The following FBXL7 variants were observed in gnomAD, a reference collection of about 807,000 sequenced individuals.
FBXL7 encodes the protein F-box and leucine rich repeat protein 7.
Under a neutral mutation model 38.3 loss-of-function variants are expected in FBXL7, and 12 were observed. The observed-to-expected ratio is 0.31, with a 90% CI of 0.20 to 0.51. The LOEUF (loss-of-function observed/expected upper bound fraction) is 0.51, where lower values mean the gene tolerates loss of function less well. FBXL7 is among the 20% of genes least tolerant of loss of function. The probability of loss-of-function intolerance (pLI) is 0.98; values close to 1 mark genes in which losing one functional copy is unlikely to be tolerated. For synonymous variants in FBXL7, 297 were observed against 300.9 expected (o/e 0.99, Z 0.13); for missense variants, 567 against 676.4 (o/e 0.84, Z 1.79).
intron 2 of FBXL7, among the ~76,000 whole-genome samples, chr5:15,870,431 T>C (rs1739904571): frequency 1.3e-5 from 2 of 151,984 alleles, no homozygotes; most frequent in African/African-American, 2.4e-5. Context: ...GAGAAACAAA[T>C]GCACGGATCA....
chr5:15,679,782 T>C (rs1742787608), intron 2 of FBXL7, among the ~76,000 whole-genome samples: 1 of 152,176 alleles, frequency 6.6e-6, no homozygotes. Context: ...GGTGAAGTCA[T>C]GGAGAACTTT....
intron 2 of FBXL7, among the ~76,000 whole-genome samples, chr5:15,707,499 C>T (rs182109614): frequency 2.0e-5 from 3 of 152,196 alleles, no homozygotes; most frequent in East Asian, 3.9e-4. Flanking sequence ...TGATTTGGCT[C>T]TATTTCTGTA....
intron 1 of FBXL7, among the ~76,000 whole-genome samples, chr5:15,512,907 TTTAAA>T (rs1398053592): frequency 6.6e-6 from 1 of 152,242 alleles, no homozygotes; most frequent in African/African-American, 2.4e-5. Context: ...ACATTTGTTC[TTTAAA>T]TTAATAAAAT....
rs138049841 is a variant in FBXL7 at position 15,625,481 on chromosome 5, C to T, written c.127+9409C>T. On this transcript the variant is annotated intron_variant, in intron 2 of 3. Transcript: ENST00000504595. ...CAGTTTGGCCAATATGGTGAAACCC[C>T]GTCTCTACTAAAAATACAAAAAATT... Among the ~76,000 whole-genome samples, 732 of 152,090 alleles carry T rather than the reference C, an allele frequency of 4.8e-3. 5 individuals carry two copies. Among genetic ancestry groups the T allele is most frequent in the African/African-American group, 0.017 (707 of 41,506 alleles).
At chr5:15,840,095 T>A (rs2126782496) in intron 2 of FBXL7, among the ~76,000 whole-genome samples, 1 of 152,364 alleles carries the variant, frequency 6.6e-6, no homozygotes, top group Non-Finnish European at 1.5e-5. Flanking sequence ...TGAAATGACC[T>A]AAGCTTTCAA....
At chr5:15,567,583 CTTT>C (rs998633260) in intron 1 of FBXL7, among the ~76,000 whole-genome samples, 3 of 150,526 alleles carry the variant, frequency 2.0e-5, no homozygotes, top group African/African-American at 7.3e-5. Context: ...TCTCTTTCTT[CTTT>C]TTTTTATATA....
At chr5:15,568,861 T>G (rs370359461) in intron 1 of FBXL7, among the ~76,000 whole-genome samples, 48 of 152,160 alleles carry the variant, frequency 3.2e-4, no homozygotes, top group South Asian at 1.7e-3. Context: ...TTTCCCCATT[T>G]CTTGTTTTTC....
At chr5:15,657,532 G>A (rs1168976931) in intron 2 of FBXL7, among the ~76,000 whole-genome samples, 2 of 152,122 alleles carry the variant, frequency 1.3e-5, no homozygotes, top group Non-Finnish European at 1.5e-5. Flanking sequence ...ACTTTTGGAA[G>A]AGATTAAAAT....
intron 1 of FBXL7, among the ~76,000 whole-genome samples, chr5:15,538,720 A>T (rs560614659): frequency 6.6e-6 from 1 of 152,218 alleles, no homozygotes; most frequent in East Asian, 1.9e-4. Context: ...ATCTGTTCTG[A>T]TTTTGAAAGG....
At chr5:15,689,790 A>G (rs1287740936) in intron 2 of FBXL7, among the ~76,000 whole-genome samples, 1 of 152,188 alleles carries the variant, frequency 6.6e-6, no homozygotes, top group Non-Finnish European at 1.5e-5. Flanking sequence ...AAGAACTTAA[A>G]TGGCTGTCCC....
chr5:15,763,539 TC>T (rs1433297493), intron 2 of FBXL7, among the ~76,000 whole-genome samples: 1 of 152,152 alleles, frequency 6.6e-6, no homozygotes, highest in Non-Finnish European at 1.5e-5. Context: ...TTGTGGTAAG[TC>T]CCATAGGAAT....
rs545429715 is a variant in FBXL7 at position 15,902,380 on chromosome 5, CTGA to C, written c.128-25507_128-25505del. Among the ~76,000 whole-genome samples, 28 of 152,298 alleles carry C rather than the reference CTGA, an allele frequency of 1.8e-4. No homozygotes were observed. In the South Asian group the frequency reaches 5.8e-3, roughly 32 times the overall value. The stretch of plus-strand genomic sequence containing the variant: ...TCATTACTATTACTATCTAAATGGG[CTGA>C]TGTTTTCAGCCAGCATCTTTTTGCC... On this transcript the variant is annotated intron_variant, in intron 2 of 3. Transcript: ENST00000504595.
intron 2 of FBXL7, among the ~76,000 whole-genome samples, chr5:15,709,919 A>C (rs927478112): frequency 2.6e-5 from 4 of 152,154 alleles, no homozygotes; most frequent in African/African-American, 7.2e-5. Flanking sequence ...CACTAATTCT[A>C]TTCATGAAAG....
chr5:15,796,037 G>T (rs775790918), intron 2 of FBXL7, among the ~76,000 whole-genome samples: 5 of 152,194 alleles, frequency 3.3e-5, no homozygotes, highest in Non-Finnish European at 5.9e-5. Context: ...TTGATTGCCT[G>T]CAGAGTAAAT....
chr5:15,821,786 G>A (rs1374446519), intron 2 of FBXL7, among the ~76,000 whole-genome samples: 1 of 152,190 alleles, frequency 6.6e-6, no homozygotes, highest in Non-Finnish European at 1.5e-5. Context: ...TCCTCTCAAA[G>A]GAGAAAGCAG....
chr5:15,638,696 C>T (rs1303756763), intron 2 of FBXL7, among the ~76,000 whole-genome samples: 6 of 152,084 alleles, frequency 3.9e-5, no homozygotes, highest in Non-Finnish European at 7.3e-5. Context: ...TCACAAAATC[C>T]TAGTGCAAGC....
intron 2 of FBXL7, among the ~76,000 whole-genome samples, chr5:15,771,220 C>T (rs1736721561): frequency 6.6e-6 from 1 of 152,208 alleles, no homozygotes; most frequent in African/African-American, 2.4e-5. Flanking sequence ...TCTACCTTTT[C>T]ATCCCTCTTA....
intron 2 of FBXL7, among the ~76,000 whole-genome samples, chr5:15,881,017 A>G (rs1740429861): frequency 6.6e-6 from 1 of 150,952 alleles, no homozygotes; most frequent in African/African-American, 2.4e-5. Context: ...CAGAAATTTC[A>G]CTCTTTTTAA....
At chr5:15,751,058 A>G (rs953202072) in intron 2 of FBXL7, among the ~76,000 whole-genome samples, 6 of 152,178 alleles carry the variant, frequency 3.9e-5, no homozygotes, top group Non-Finnish European at 8.8e-5. Flanking sequence ...TCAAAAAGAC[A>G]TAATGCATCA....
Sources: allele counts gnomAD v4.1 joint callset (sites outside exome capture counted in the v4.1 genomes callset), GRCh38; gene constraint gnomAD v4.1.1; transcripts MANE v1.5; gene names NCBI Gene and HGNC (gene_info 2026-07-23, HGNC 2026-07-21).